The following DIAPH2 variants were observed in gnomAD, a reference collection of about 807,000 sequenced individuals.
The protein encoded by DIAPH2 is protein diaphanous homolog 2.
Under a neutral mutation model 92.7 loss-of-function variants are expected in DIAPH2, and 35 were observed. That is an observed-to-expected ratio of 0.38 (90% CI 0.29 to 0.50). DIAPH2 has a LOEUF of 0.50. DIAPH2 is among the 20% of genes least tolerant of loss of function. The pLI is 0.94. For missense variants in DIAPH2, 701 were observed against 819.5 expected (o/e 0.86, Z 1.77); for synonymous variants, 301 against 280.4 (o/e 1.07, Z -0.73).
intron 26 of DIAPH2, among the ~76,000 whole-genome samples, chrX:97,493,495 A>C (rs974999810): frequency 9.0e-6 from 1 of 111,224 alleles, no homozygotes; most frequent in African/African-American, 3.3e-5. Context: ...TCCCAACCTC[A>C]GGTGATCTGC....
At chrX:96,732,575 TG>T (rs1290495169) in intron 1 of DIAPH2, among the ~76,000 whole-genome samples, 1 of 111,312 alleles carries the variant, frequency 9.0e-6, no homozygotes, top group Non-Finnish European at 1.9e-5. Context: ...AAATCAGGAG[TG>T]GGGTGTTTTT....
At chrX:97,102,662 G>A (rs1487891094) in intron 20 of DIAPH2, among the ~76,000 whole-genome samples, 31 of 111,978 alleles carry the variant, frequency 2.8e-4, no homozygotes, top group East Asian at 2.8e-4. Context: ...TGAGGATGCC[G>A]GGCGCGTTGG....
At chrX:97,033,496 G>T (rs1442418665) in intron 17 of DIAPH2, among the ~76,000 whole-genome samples, 2 of 111,353 alleles carry the variant, frequency 1.8e-5, no homozygotes. Context: ...TTTGAAAATG[G>T]TCATAGCTTA....
intron 15 of DIAPH2, among the ~76,000 whole-genome samples, chrX:96,957,300 C>T (rs1328148187): frequency 8.0e-5 from 9 of 112,310 alleles, no homozygotes; most frequent in Non-Finnish European, 1.7e-4. Context: ...GGATTACAGG[C>T]GTGAGCCACC....
chrX:96,820,082 G>A (rs945300881), intron 4 of DIAPH2, among the ~76,000 whole-genome samples: 7 of 112,168 alleles, frequency 6.2e-5, no homozygotes, highest in Non-Finnish European at 1.3e-4. Context: ...AGGCCAAATC[G>A]AACTGGGAGG....
intron 26 of DIAPH2, among the ~76,000 whole-genome samples, chrX:97,551,928 G>T (rs770187590): frequency 1.3e-4 from 14 of 111,806 alleles, no homozygotes; most frequent in Admixed American, 1.1e-3. Flanking sequence ...TTCCACAGTT[G>T]TGCATGAAAC....
At chrX:96,725,008 C>T (rs1383253574) in intron 1 of DIAPH2, among the ~76,000 whole-genome samples, 1 of 111,353 alleles carries the variant, frequency 9.0e-6, no homozygotes, top group East Asian at 2.8e-4. Flanking sequence ...GCTCTTACTC[C>T]ACTTCAATTA....
At chrX:97,465,325 A>G (rs2070502148) in intron 26 of DIAPH2, among the ~76,000 whole-genome samples, 1 of 111,472 alleles carries the variant, frequency 9.0e-6, no homozygotes, top group Non-Finnish European at 1.9e-5. Flanking sequence ...TATACTGAAT[A>G]CAATTGTCCT....
intron 4 of DIAPH2, among the ~76,000 whole-genome samples, chrX:96,835,399 A>T (rs961782476): frequency 9.0e-6 from 1 of 111,681 alleles, no homozygotes; most frequent in Non-Finnish European, 1.9e-5. Context: ...TTCCATGGCT[A>T]CCTGGGCTGA....
intron 4 of DIAPH2, among the ~76,000 whole-genome samples, chrX:96,768,569 G>C (rs956897598): frequency 3.6e-5 from 4 of 112,008 alleles, no homozygotes; most frequent in African/African-American, 1.3e-4. Context: ...AGCGCTATTA[G>C]AGAAAGCAGA....
At chrX:96,690,918 T>C in intron 1 of DIAPH2, among the ~76,000 whole-genome samples, 1 of 112,170 alleles carries the variant, frequency 8.9e-6, no homozygotes, top group East Asian at 2.8e-4. Context: ...TCCTCTATTG[T>C]AGAAATTATC....
At chrX:97,115,884 C>T (rs1312584809) in intron 21 of DIAPH2, among the ~76,000 whole-genome samples, 2 of 111,659 alleles carry the variant, frequency 1.8e-5, no homozygotes, top group African/African-American at 6.5e-5. Context: ...TAGGCTAGAG[C>T]AAACCACCTT....
intron 4 of DIAPH2, among the ~76,000 whole-genome samples, chrX:96,759,066 A>G (rs924432217): frequency 9.1e-6 from 1 of 110,220 alleles, no homozygotes; most frequent in African/African-American, 3.3e-5. Flanking sequence ...ATGTGTGTAT[A>G]TGTGTGTATA....
chrX:96,915,893 A>G (rs772184822), intron 7 of DIAPH2, among the ~76,000 whole-genome samples: 2 of 111,647 alleles, frequency 1.8e-5, no homozygotes, highest in African/African-American at 6.5e-5. Flanking sequence ...TTAGGTTCAC[A>G]GCTTTTGTAG....
chrX:97,588,996 AATATATATAT>A lies in DIAPH2; in HGVS notation c.3242-10235_3242-10226del, dbSNP rs199558439. Among the ~76,000 whole-genome samples the A allele has an allele frequency of 3.5e-3, 112 of 31,709 alleles. 1 individual carries two copies. Among genetic ancestry groups the A allele is most frequent in the South Asian group, 0.018 (4 of 227 alleles). The allele number at this position is 31,709 out of a possible 115,157, so 27.5% of individuals were successfully genotyped here. On this transcript the variant is annotated intron_variant, in intron 26 of 26. Coordinates refer to ENST00000324765, the MANE Select transcript of DIAPH2 (RefSeq NM_006729.5). ...ATGCCAAAAATTCAGATATTATAGA[AATATATATAT>A]ATATATATATATATATATATAAAAG...
At chrX:97,597,816 T>C (rs1277482020) in intron 26 of DIAPH2, among the ~76,000 whole-genome samples, 1 of 111,874 alleles carries the variant, frequency 8.9e-6, no homozygotes, top group African/African-American at 3.3e-5. Context: ...GATTTTTTAA[T>C]GGTATCTTCA....
At chrX:96,756,447 C>G (rs1182522785) in intron 3 of DIAPH2, among the ~76,000 whole-genome samples, 1 of 112,071 alleles carries the variant, frequency 8.9e-6, no homozygotes, top group Non-Finnish European at 1.9e-5. Flanking sequence ...CAGGTTATAG[C>G]ATGTATCAGT....
At chrX:97,589,578 A>G (rs763981550) in intron 26 of DIAPH2, among the ~76,000 whole-genome samples, 1 of 111,191 alleles carries the variant, frequency 9.0e-6, no homozygotes, top group East Asian at 2.8e-4. Flanking sequence ...TGTTTTGTCT[A>G]ATCCCATGAT....
chrX:97,287,198 A>G (rs762922772), intron 23 of DIAPH2, among the ~76,000 whole-genome samples: 19 of 110,904 alleles, frequency 1.7e-4, no homozygotes, highest in Non-Finnish European at 3.6e-4. Context: ...AATCCCGGCT[A>G]TTTATTCTCT....
Sources: gnomAD v4.1 joint callset for allele counts (sites outside exome capture counted in the v4.1 genomes callset) on GRCh38, gnomAD v4.1.1 for gene constraint, MANE v1.5 for transcripts, NCBI Gene and HGNC (gene_info 2026-07-23, HGNC 2026-07-21) for gene names.